SLMAP: variants seen among roughly 807,000 people sequenced by gnomAD.
The protein encoded by SLMAP is sarcolemma associated protein.
Under a neutral mutation model 128.8 loss-of-function variants are expected in SLMAP, and 44 were observed. The ratio of observed to expected loss-of-function variants is 0.34; its 90% confidence interval spans 0.27 to 0.44. The LOEUF (loss-of-function observed/expected upper bound fraction) is 0.44. Ranked by LOEUF, SLMAP falls within the 20% of genes least tolerant of loss-of-function variation. SLMAP has a pLI of 1.00. For synonymous variants in SLMAP, 327 were observed against 348.8 expected (o/e 0.94, Z 0.70); for missense variants, 787 against 985.3 (o/e 0.80, Z 2.69).
chr3:57,878,827 C>T (rs2095661471), intron 14 of SLMAP, among the ~76,000 whole-genome samples: 1 of 152,120 alleles, frequency 6.6e-6, no homozygotes, highest in East Asian at 1.9e-4. Flanking sequence ...CTTAATGAAA[C>T]CCAATTTTGA....
At chr3:57,834,475 G>A (rs2093520984) in intron 3 of SLMAP, among the ~76,000 whole-genome samples, 1 of 151,968 alleles carries the variant, frequency 6.6e-6, no homozygotes, top group African/African-American at 2.4e-5. Context: ...GGCTATCTAT[G>A]GCAAAGAGAA....
chr3:57,892,278 G>A (rs1268129780), intron 15 of SLMAP, among the ~76,000 whole-genome samples: 1 of 152,154 alleles, frequency 6.6e-6, no homozygotes, highest in African/African-American at 2.4e-5. Flanking sequence ...GAAAATAGCA[G>A]TTGCCATAAA....
intron 2 of SLMAP, among the ~76,000 whole-genome samples, chr3:57,782,048 A>G (rs540145221): frequency 9.2e-5 from 14 of 152,300 alleles, no homozygotes; most frequent in Middle Eastern, 3.4e-3. Flanking sequence ...CATGTTTAGC[A>G]TATCTCCGTT....
chr3:57,773,712 G>T (rs1048416542), intron 2 of SLMAP, among the ~76,000 whole-genome samples: 1 of 152,164 alleles, frequency 6.6e-6, no homozygotes, highest in African/African-American at 2.4e-5. Flanking sequence ...TAGAGTGATT[G>T]TAAAATGATA....
chr3:57,787,057 G>A (rs1190463043), intron 2 of SLMAP, among the ~76,000 whole-genome samples: 4 of 152,252 alleles, frequency 2.6e-5, no homozygotes, highest in African/African-American at 9.6e-5. Flanking sequence ...AGTTTTGGGA[G>A]CCATCAAGTA....
chr3:57,915,664 A>G (rs1046744507), intron 21 of SLMAP, among the ~76,000 whole-genome samples: 2 of 152,238 alleles, frequency 1.3e-5, no homozygotes, highest in Non-Finnish European at 2.9e-5. Context: ...TGAAAGATGT[A>G]AAACTGTCAC....
chr3:57,858,093 A>AT lies in SLMAP; in HGVS notation c.621_622insT (p.Ile208TyrfsTer3). The AT allele has an allele frequency of 6.4e-7, 1 of 1,574,556 alleles. No individual in the cohort carries two copies. The highest frequency in any genetic ancestry group is 8.7e-7 in the Non-Finnish European group (1 of 1,144,414). On this transcript the variant is annotated frameshift_variant, in exon 8 of 25. Transcript: ENST00000671191. LOFTEE classifies it high-confidence loss of function. Reference sequence around the variant, plus strand: ...ATTTAATTTTTCTTCAATAGGCTTTAATAGATGAAGATAGACTCTTATCAC... The same window carrying AT: ...ATTTAATTTTTCTTCAATAGGCTTTATATAGATGAAGATAGACTCTTATCAC...
chr3:57,834,679 G>A (rs1033373207), intron 3 of SLMAP, among the ~76,000 whole-genome samples: 1 of 151,992 alleles, frequency 6.6e-6, no homozygotes, highest in Non-Finnish European at 1.5e-5. Flanking sequence ...TGTTATTTAA[G>A]TAATTCCAAA....
chr3:57,909,002 T>C (rs1437868689), intron 18 of SLMAP, 74 bp from the exon 19 acceptor site: 34 of 1,056,576 alleles, frequency 3.2e-5, no homozygotes, highest in Non-Finnish European at 4.2e-5. Context: ...TTAAAAGAAA[T>C]TTTCAGCTGC....
chr3:57,835,929 T>A (rs1430418130), intron 3 of SLMAP, among the ~76,000 whole-genome samples: 1 of 152,156 alleles, frequency 6.6e-6, no homozygotes, highest in Non-Finnish European at 1.5e-5. Context: ...TACATTTGTA[T>A]ACATGTGAAT....
At chr3:57,851,565 C>T (rs112958152) in intron 6 of SLMAP, among the ~76,000 whole-genome samples, 1,905 of 151,882 alleles carry the variant, frequency 0.013, 18 homozygotes, top group Non-Finnish European at 0.021. Flanking sequence ...CTCCACCTCC[C>T]GGGTTCAAGC....
At chr3:57,906,332 T>TTTTTC (rs1491216777) in intron 17 of SLMAP, among the ~76,000 whole-genome samples, 12 of 137,024 alleles carry the variant, frequency 8.8e-5, no homozygotes, top group African/African-American at 3.2e-4. Flanking sequence ...TTTTTTTTTT[T>TTTTTC]AGAGACACAG....
intron 4 of SLMAP, among the ~76,000 whole-genome samples, chr3:57,846,345 TCATA>T (rs995858646): frequency 9.2e-5 from 14 of 152,274 alleles, no homozygotes; most frequent in African/African-American, 2.9e-4. Context: ...GAGTTCAGTT[TCATA>T]CATACATCTA....
chr3:57,928,459 A>G lies in SLMAP; in HGVS notation c.*1170A>G, dbSNP rs1439090141. On this transcript the variant is annotated 3_prime_UTR_variant, in exon 25 of 25. Coordinates refer to ENST00000671191, the MANE Select transcript of SLMAP (RefSeq NM_001377540.1). ...TGGTTATTTTCTTTTTATTGTTGTT[A>G]ATTGGGACTTTCTGTTAATGAAAAG... is the stretch of plus-strand genomic sequence containing the variant. 1.3e-5 allele frequency: 2 copies of G among 152,096 alleles called. No individual in the cohort carries two copies. Among genetic ancestry groups the G allele is most frequent in the African/African-American group, 2.4e-5 (1 of 41,422 alleles). 9.4% of individuals were successfully genotyped at this position (152,096 alleles called of 1,614,324 possible).
At chr3:57,906,991 C>G (rs1476096162) in intron 17 of SLMAP, among the ~76,000 whole-genome samples, 1 of 150,924 alleles carries the variant, frequency 6.6e-6, no homozygotes, top group Admixed American at 6.6e-5. Context: ...TAGGTTACAT[C>G]ATTTAATATA....
chr3:57,842,677 G>A (rs2093995401), intron 4 of SLMAP, among the ~76,000 whole-genome samples: 1 of 152,098 alleles, frequency 6.6e-6, no homozygotes, highest in Admixed American at 6.5e-5. Flanking sequence ...AAGTCAGTTG[G>A]AATGTATTGT....
At chr3:57,792,155 C>A (rs1280208908) in intron 2 of SLMAP, among the ~76,000 whole-genome samples, 4 of 151,812 alleles carry the variant, frequency 2.6e-5, no homozygotes, top group Admixed American at 2.6e-4. Flanking sequence ...TATTTAGATG[C>A]GACCTTCTTA....
intron 14 of SLMAP, among the ~76,000 whole-genome samples, chr3:57,874,278 C>T (rs1239622267): frequency 6.6e-6 from 1 of 152,082 alleles, no homozygotes; most frequent in Non-Finnish European, 1.5e-5. Flanking sequence ...GGCAACAGAG[C>T]AAATCCCCGT....
chr3:57,892,783 AACACACACACACAC>A (rs141561615), intron 15 of SLMAP, among the ~76,000 whole-genome samples: 7 of 143,852 alleles, frequency 4.9e-5, no homozygotes, highest in Admixed American at 2.1e-4. Flanking sequence ...TGTCTCTTAA[AACACACACACACAC>A]ACACACACAC....
Sources: gnomAD v4.1 joint callset for allele counts (sites outside exome capture counted in the v4.1 genomes callset) on GRCh38, gnomAD v4.1.1 for gene constraint, MANE v1.5 for transcripts, NCBI Gene and HGNC (gene_info 2026-07-23, HGNC 2026-07-21) for gene names.